SMU1: variants seen among roughly 807,000 people sequenced by gnomAD.
The protein encoded by SMU1 is WD40 repeat-containing protein SMU1.
SMU1 carries 2 observed loss-of-function variants against 62.0 expected under a neutral mutation model. The observed-to-expected ratio is 0.03, with a 90% confidence interval of 0.01 to 0.10. The LOEUF is 0.10. Among genes scored for constraint, SMU1 ranks in the 10% least tolerant of loss-of-function variants. The pLI is 1.00. For synonymous variants in SMU1, 188 were observed against 212.4 expected (o/e 0.89, Z 1.00); for missense variants, 227 against 622.1 (o/e 0.36, Z 6.76).
intron 9 of SMU1, among the ~76,000 whole-genome samples, chr9:33,054,308 A>C (rs1587707551): frequency 6.6e-6 from 1 of 152,140 alleles, no homozygotes; most frequent in East Asian, 1.9e-4. Context: ...GGTGCCAATA[A>C]GCCTGGCTCA....
In SMU1 at chr9:33,045,063, C is replaced by A. The variant is rs1036578773; in HGVS notation, c.*2230G>T. 6.6e-6 allele frequency: 1 copy of A among 152,144 alleles called. No individual in the cohort carries two copies. Among genetic ancestry groups the A allele is most frequent in the African/African-American group, 2.4e-5 (1 of 41,424 alleles). 9.4% of individuals were successfully genotyped at this position (152,144 alleles called of 1,614,324 possible). A position where few individuals can be genotyped will look rare whatever the true frequency, so the allele number is the denominator to read the frequency against. ...GTCTTTTTTTAACCATATTCATCAC[C>A]TGGTGCCAGCAACAGAAGTGTTCCC... On this transcript the variant is annotated 3_prime_UTR_variant, in exon 12 of 12. Transcript: ENST00000397149.
rs895322710 is a variant in SMU1 at position 33,058,518 on chromosome 9, T to A, written c.751-804A>T. Among the ~76,000 whole-genome samples, 5 of 152,260 alleles carry A rather than the reference T, an allele frequency of 3.3e-5. No individual in the cohort carries two copies. In the South Asian group the frequency reaches 1.0e-3, roughly 32 times the overall value. On this transcript the variant is annotated intron_variant, in intron 6 of 11. Transcript: ENST00000397149. ...TTTTAGTAGAGACAAGGTTTCATCA[T>A]GTTAGCCAGGCCGGCCTTGAACTCC...
At chr9:33,053,332 A>G (rs780696265) in intron 9 of SMU1, 42 bp from the exon 10 acceptor site, 4 of 1,566,688 alleles carry the variant, frequency 2.6e-6, no homozygotes, top group African/African-American at 1.4e-5. Context: ...TTTTAGGTAT[A>G]AAAATTTCTA....
intron 10 of SMU1, among the ~76,000 whole-genome samples, chr9:33,050,322 T>A (rs964310415): frequency 6.6e-6 from 1 of 152,156 alleles, no homozygotes; most frequent in Non-Finnish European, 1.5e-5. Flanking sequence ...TGGAACAGTT[T>A]GATAGTTTCT....
intron 7 of SMU1, among the ~76,000 whole-genome samples, 163 bp downstream of exon 7, chr9:33,057,431 CCAGA>C (rs780590509): frequency 2.0e-5 from 3 of 152,018 alleles, no homozygotes; most frequent in Non-Finnish European, 2.9e-5. Flanking sequence ...ATTGGATCAC[CCAGA>C]CAGAGTTGCT....
intron 1 of SMU1, 50 bp from the exon 2 acceptor site, chr9:33,073,856 CA>C: frequency 1.3e-6 from 2 of 1,531,830 alleles, no homozygotes; most frequent in Non-Finnish European, 1.8e-6. Context: ...CACCAGAGGT[CA>C]AAAATAAAGC....
intron 4 of SMU1, among the ~76,000 whole-genome samples, chr9:33,067,528 C>T (rs1231829837): frequency 3.5e-5 from 5 of 141,342 alleles, no homozygotes; most frequent in Non-Finnish European, 7.6e-5. Context: ...GATGAAGTCT[C>T]GCTCTTGTCT....
At position 33,044,905 on chromosome 9, in the gene SMU1, T is replaced by TC. The variant is rs1399334810; in HGVS notation, c.*2387dup. On this transcript the variant is annotated 3_prime_UTR_variant, in exon 12 of 12. Coordinates refer to ENST00000397149, the MANE Select transcript of SMU1 (RefSeq NM_018225.3). ...TCCCTGTGCTTAGACCGCCCCCTAG[T>TC]CCCTCCAGGAAGCCTTTCCCAACCC... The TC allele has an allele frequency of 1.3e-5, 2 of 152,200 alleles. No homozygotes were observed. Among genetic ancestry groups the TC allele is most frequent in the East Asian group, 3.9e-4 (2 of 5,192 alleles). The allele number at this position is 152,200 out of a possible 1,614,324, so 9.4% of individuals were successfully genotyped here. A position where few individuals can be genotyped will look rare whatever the true frequency, so the allele number is the denominator to read the frequency against.
rs769855460 is a variant in SMU1, at chr9:33,057,717, A to G, written c.751-3T>C. 4 of 1,613,698 alleles carry G rather than the reference A, an allele frequency of 2.5e-6. No homozygotes were observed. ...TCTTGGGCCTGGTACTTAAGATCCT[A>G]AAGAAACAATGGTTAGCAGTTATCA... On this transcript the variant is annotated splice_polypyrimidine_tract_variant and splice_region_variant and intron_variant, in intron 6 of 11. Coordinates refer to ENST00000397149, the MANE Select transcript of SMU1 (RefSeq NM_018225.3).
At chr9:33,057,210 A>G (rs574969109) in intron 7 of SMU1, among the ~76,000 whole-genome samples, 11 of 152,344 alleles carry the variant, frequency 7.2e-5, no homozygotes, top group African/African-American at 2.4e-4. Flanking sequence ...CTTAGCAGAG[A>G]CCATTTCTGC....
chr9:33,060,480 A>G lies in SMU1; in HGVS notation c.735T>C (p.Thr245=). 1 of 1,597,180 alleles carries G rather than the reference A, an allele frequency of 6.3e-7. No homozygotes were observed. Among genetic ancestry groups the G allele is most frequent in the Non-Finnish European group, 8.5e-7 (1 of 1,176,440 alleles). The change falls in exon 6 of 12, where the codon ACT becomes ACC. Residue 245 remains threonine, a synonymous_variant. Coordinates refer to ENST00000397149, the MANE Select transcript of SMU1 (RefSeq NM_018225.3). ...AATACTTTACCTTTCTGATTTTTCC[A>G]GTAGTAAAGTTCCATACTTCAATGA... ...DGFIEVWNFT[T]GKIRKDLKYQ...
intron 9 of SMU1, among the ~76,000 whole-genome samples, chr9:33,054,665 GT>G (rs1179324808): frequency 6.6e-6 from 1 of 152,140 alleles, no homozygotes; most frequent in African/African-American, 2.4e-5. Context: ...AATTCATCAG[GT>G]ACAAAGTCTC....
intron 6 of SMU1, among the ~76,000 whole-genome samples, chr9:33,059,610 T>C (rs113804744): frequency 7.4e-4 from 111 of 149,032 alleles, no homozygotes; most frequent in African/African-American, 2.6e-3. Flanking sequence ...TGTTTTGTTT[T>C]GTTTTTTCCC....
Position 33,042,943 on chromosome 9 carries a change from C to G in SMU1, c.*4350G>C, listed in dbSNP as rs1411732218. ...CTCTGCCTCCCGGGTTCCAGCTATTCTCCTGCCTCAGCCTCCTAGGTAGCT... is the reference window on the plus strand; with the variant it reads ...CTCTGCCTCCCGGGTTCCAGCTATTGTCCTGCCTCAGCCTCCTAGGTAGCT... On this transcript the variant is annotated 3_prime_UTR_variant, in exon 12 of 12. Transcript: ENST00000397149. 1 of 151,086 alleles carries G rather than the reference C, an allele frequency of 6.6e-6. No individual in the cohort carries two copies. Among genetic ancestry groups the G allele is most frequent in the Non-Finnish European group, 1.5e-5 (1 of 68,288 alleles). 9.4% of individuals were successfully genotyped at this position (151,086 alleles called of 1,614,324 possible).
chr9:33,068,270 C>A (rs994844453), intron 4 of SMU1, among the ~76,000 whole-genome samples: 1 of 152,088 alleles, frequency 6.6e-6, no homozygotes, highest in Non-Finnish European at 1.5e-5. Context: ...GTACTCTCAA[C>A]GATATTCCAG....
intron 4 of SMU1, 144 bp from the exon 5 acceptor site, chr9:33,062,321 A>G (rs62542142): frequency 0.044 from 46,193 of 1,046,264 alleles, 1,318 homozygotes; most frequent in Non-Finnish European, 0.052. Context: ...CCATCCAAAC[A>G]TAAAGTAATC....
intron 1 of SMU1, among the ~76,000 whole-genome samples, chr9:33,074,895 T>A (rs1839528432): frequency 6.6e-6 from 1 of 151,320 alleles, no homozygotes; most frequent in African/African-American, 2.4e-5. Context: ...CACCTCAGCC[T>A]CCCGAGTAGC....
At chr9:33,069,560 G>A (rs1055769669) in intron 3 of SMU1, among the ~76,000 whole-genome samples, 2 of 152,132 alleles carry the variant, frequency 1.3e-5, no homozygotes, top group African/African-American at 2.4e-5. Flanking sequence ...CAACATTTTC[G>A]GGGGCTGAGG....
intron 3 of SMU1, 126 bp downstream of exon 3, chr9:33,071,614 T>C (rs1036610712): frequency 1.1e-6 from 1 of 950,798 alleles, no homozygotes; most frequent in East Asian, 2.8e-5. Context: ...CAGAGAAGCA[T>C]CATTCTCAAA....
Sources: gnomAD v4.1 joint callset for allele counts (sites outside exome capture counted in the v4.1 genomes callset) on GRCh38, gnomAD v4.1.1 for gene constraint, MANE v1.5 for transcripts, NCBI Gene and HGNC (gene_info 2026-07-23, HGNC 2026-07-21) for gene names.